Variants in AK5 observed in about 807,000 individuals in gnomAD.
The protein encoded by AK5 is adenylate kinase isoenzyme 5.
A neutral mutation model predicts 69.5 loss-of-function variants in AK5; 27 were observed. The ratio of observed to expected loss-of-function variants is 0.39; its 90% CI spans 0.29 to 0.54. The LOEUF is 0.54. Among genes scored for constraint, AK5 ranks in the 20% least tolerant of loss-of-function variants. AK5 has a pLI of 0.71. For synonymous variants in AK5, 260 were observed against 244.4 expected, an observed-to-expected ratio of 1.06 and a Z score of -0.60; for missense variants, 531 against 700.4, an observed-to-expected ratio of 0.76 and a Z score of 2.73.
chr1:77,487,887 C>A (rs1439910248), intron 10 of AK5, among the ~76,000 whole-genome samples: 1 of 152,122 alleles, frequency 6.6e-6, no homozygotes, highest in African/African-American at 2.4e-5. Flanking sequence ...CACAGAGCTG[C>A]CATCTTAGAT....
chr1:77,288,962 C>G (rs1308772360), intron 2 of AK5, among the ~76,000 whole-genome samples: 1 of 152,116 alleles, frequency 6.6e-6, no homozygotes, highest in Non-Finnish European at 1.5e-5. Context: ...AAGGTTGTGT[C>G]TTTATATACT....
chr1:77,506,860 G>A (rs565456189), intron 10 of AK5, among the ~76,000 whole-genome samples: 7 of 152,200 alleles, frequency 4.6e-5, no homozygotes, highest in African/African-American at 1.2e-4. Context: ...TTAGTTGGGC[G>A]TGGTGGCACA....
chr1:77,448,047 G>A (rs1652862393), intron 8 of AK5, among the ~76,000 whole-genome samples: 1 of 152,204 alleles, frequency 6.6e-6, no homozygotes, highest in Non-Finnish European at 1.5e-5. Context: ...CTGACAGGGG[G>A]CTTAGGGCTG....
At chr1:77,428,872 C>T (rs901464969) in intron 8 of AK5, among the ~76,000 whole-genome samples, 10 of 152,090 alleles carry the variant, frequency 6.6e-5, no homozygotes, top group East Asian at 3.9e-4. Flanking sequence ...TTTGTCCTTG[C>T]GATAGTTTGC....
chr1:77,286,366 C>G (rs1216758781), intron 1 of AK5, among the ~76,000 whole-genome samples: 1 of 149,244 alleles, frequency 6.7e-6, no homozygotes, highest in East Asian at 1.9e-4. Flanking sequence ...CCATTTTAAA[C>G]TATCTAGTTG....
chr1:77,446,566 T>C (rs949330882), intron 8 of AK5, among the ~76,000 whole-genome samples: 5 of 152,206 alleles, frequency 3.3e-5, no homozygotes, highest in Non-Finnish European at 7.3e-5. Context: ...TGAGCACTTA[T>C]TTGTATCCTT....
intron 8 of AK5, among the ~76,000 whole-genome samples, chr1:77,453,813 A>T (rs1653308568): frequency 6.6e-6 from 1 of 152,218 alleles, no homozygotes; most frequent in Non-Finnish European, 1.5e-5. Context: ...CGACTTTATT[A>T]TTAGCAACAA....
intron 6 of AK5, among the ~76,000 whole-genome samples, chr1:77,384,545 A>T (rs1647871861): frequency 6.6e-6 from 1 of 152,184 alleles, no homozygotes; most frequent in South Asian, 2.1e-4. Context: ...AGTCGATCAG[A>T]TCAGAGAGAT....
intron 13 of AK5, among the ~76,000 whole-genome samples, chr1:77,548,264 T>C (rs566433740): frequency 1.3e-5 from 2 of 152,342 alleles, no homozygotes; most frequent in East Asian, 3.9e-4. Context: ...ATAGTCCTCC[T>C]TCTTTCTATG....
intron 13 of AK5, among the ~76,000 whole-genome samples, chr1:77,554,907 T>C (rs183142127): frequency 9.0e-4 from 135 of 149,748 alleles, no homozygotes; most frequent in African/African-American, 2.8e-3. Flanking sequence ...TGAGCCACCA[T>C]GCCCAGCCTC....
intron 5 of AK5, among the ~76,000 whole-genome samples, chr1:77,311,681 CT>C (rs5775382): frequency 0.26 from 38,783 of 151,960 alleles, 5,169 homozygotes; most frequent in East Asian, 0.35. Context: ...CTTTTTCCCC[CT>C]GATACTGAAT....
intron 8 of AK5, among the ~76,000 whole-genome samples, chr1:77,419,312 C>A (rs572347037): frequency 1.3e-5 from 2 of 152,056 alleles, no homozygotes; most frequent in South Asian, 2.1e-4. Context: ...CAACCACTTA[C>A]AATCTAAAAT....
At chr1:77,350,086 A>G (rs1006868758) in intron 6 of AK5, among the ~76,000 whole-genome samples, 1 of 152,246 alleles carries the variant, frequency 6.6e-6, no homozygotes, top group Non-Finnish European at 1.5e-5. Context: ...ACTGCAAGGA[A>G]TACAAAGATG....
At position 77,521,824 on chromosome 1, in the gene AK5, C is replaced by T. The variant is rs1658001397; in HGVS notation, c.1312-3C>T. ...GGTCCTGACCACTCTCGCTTTGCTC[C>T]AGGGCATCGTTTTGGAGCTCCTGAA... On this transcript the variant is annotated splice_polypyrimidine_tract_variant and splice_region_variant and intron_variant, in intron 11 of 13. Transcript: ENST00000354567. 25 of 1,612,290 alleles carry T rather than the reference C, an allele frequency of 1.6e-5. No individual in the cohort carries two copies. Among genetic ancestry groups the T allele is most frequent in the Non-Finnish European group, 2.0e-5 (24 of 1,178,606 alleles).
chr1:77,293,518 G>T (rs898422326), intron 2 of AK5: 1 of 247,566 alleles, frequency 4.0e-6, no homozygotes, highest in Non-Finnish European at 7.6e-6. Context: ...AGTTTTATTG[G>T]AACACAGGCA....
At chr1:77,346,503 A>AT (rs941624722) in intron 6 of AK5, among the ~76,000 whole-genome samples, 25 of 152,054 alleles carry the variant, frequency 1.6e-4, no homozygotes, top group Admixed American at 3.3e-4. Context: ...GGAGAAAAGA[A>AT]TTTTTTTGTG....
chr1:77,443,163 CT>C (rs1652434532), intron 8 of AK5, among the ~76,000 whole-genome samples: 1 of 152,126 alleles, frequency 6.6e-6, no homozygotes, highest in Non-Finnish European at 1.5e-5. Flanking sequence ...TACCTTAAGT[CT>C]TAGCACTTGA....
chr1:77,481,341 C>T (rs566685060), intron 8 of AK5, among the ~76,000 whole-genome samples: 11 of 152,198 alleles, frequency 7.2e-5, no homozygotes, highest in South Asian at 4.1e-4. Context: ...CTCTGAATTG[C>T]GGTAATTTCA....
chr1:77,359,965 G>GA (rs1314822492), intron 6 of AK5, among the ~76,000 whole-genome samples: 4 of 152,156 alleles, frequency 2.6e-5, no homozygotes, highest in Non-Finnish European at 5.9e-5. Flanking sequence ...CTGAGAGATA[G>GA]ATTGGTAAGG....
Sources: gnomAD v4.1 joint callset for allele counts (sites outside exome capture counted in the v4.1 genomes callset) on GRCh38, gnomAD v4.1.1 for gene constraint, MANE v1.5 for transcripts, NCBI Gene and HGNC (gene_info 2026-07-23, HGNC 2026-07-21) for gene names.